The following ADCK2 variants were observed in gnomAD, a reference collection of about 807,000 sequenced individuals.
ADCK2 encodes the protein uncharacterized aarF domain-containing protein kinase 2.
In ADCK2, 37 loss-of-function variants were observed where a neutral mutation model predicts 52.3. That is an observed-to-expected ratio of 0.71 (90% CI 0.54 to 0.93). The LOEUF (loss-of-function observed/expected upper bound fraction) is 0.93, where lower values mean the gene tolerates loss of function less well. Among genes scored for constraint, ADCK2 ranks in the 40% least tolerant of loss-of-function variants. The pLI is 0.00. For missense variants in ADCK2, 695 were observed against 798.7 expected, an observed-to-expected ratio of 0.87 and a Z score of 1.56; for synonymous variants, 321 against 349.2, an observed-to-expected ratio of 0.92 and a Z score of 0.90.
At chr7:140,692,441 T>G (rs1794725408) in intron 7 of ADCK2, among the ~76,000 whole-genome samples, 1 of 152,238 alleles carries the variant, frequency 6.6e-6, no homozygotes, top group South Asian at 2.1e-4. Flanking sequence ...CATTGCAACC[T>G]CTGCTTCCTG....
intron 2 of ADCK2, among the ~76,000 whole-genome samples, chr7:140,676,109 C>T (rs1354573872): frequency 1.3e-5 from 2 of 152,200 alleles, no homozygotes; most frequent in Non-Finnish European, 2.9e-5. Flanking sequence ...ATGTATTTCT[C>T]GAGGTTCTGG....
chr7:140,688,307 G>T (rs570320986), intron 5 of ADCK2, among the ~76,000 whole-genome samples: 49 of 152,198 alleles, frequency 3.2e-4, no homozygotes, highest in African/African-American at 1.2e-3. Flanking sequence ...GCCTCCCAAG[G>T]TGCTGGGATT....
chr7:140,679,337 C>G (rs1794476696), intron 3 of ADCK2, 54 bp downstream of exon 3: 1 of 1,601,958 alleles, frequency 6.2e-7, no homozygotes, highest in Non-Finnish European at 8.5e-7. Flanking sequence ...TCGCAGTGGG[C>G]CCGTCTCCAG....
intron 2 of ADCK2, among the ~76,000 whole-genome samples, chr7:140,675,961 C>T (rs1456765265): frequency 6.6e-6 from 1 of 152,184 alleles, no homozygotes; most frequent in Non-Finnish European, 1.5e-5. Context: ...GGGAGGTTTT[C>T]AGAAGCAACC....
At position 140,677,363 on chromosome 7, in the gene ADCK2, A is replaced by G. The variant is rs569525161; in HGVS notation, c.1081-1792A>G. 2.4e-4 allele frequency among the ~76,000 whole-genome samples: 36 copies of G among 151,836 alleles called. No homozygotes were observed. In the South Asian group the frequency reaches 4.2e-3, roughly 18 times the overall value. ...GCGGAGGTTGCAATGAGCCAAGATCATGCTTTTGCACTCCAGGCTGGGCAA... is the reference window on the plus strand; with the variant it reads ...GCGGAGGTTGCAATGAGCCAAGATCGTGCTTTTGCACTCCAGGCTGGGCAA... On this transcript the variant is annotated intron_variant, in intron 2 of 7. Transcript: ENST00000072869.
At chr7:140,689,271 T>C (rs1315276948) in intron 5 of ADCK2, among the ~76,000 whole-genome samples, 1 of 152,162 alleles carries the variant, frequency 6.6e-6, no homozygotes, top group African/African-American at 2.4e-5. Flanking sequence ...TCTGGCTCTT[T>C]TTAAAAAAAA....
chr7:140,683,259 T>C (rs1041914343), intron 4 of ADCK2, among the ~76,000 whole-genome samples: 11 of 152,090 alleles, frequency 7.2e-5, no homozygotes, highest in Non-Finnish European at 1.5e-4. Flanking sequence ...CACTCCAGCC[T>C]GGCGACAGAG....
At chr7:140,675,653 T>C (rs1186887912) in intron 2 of ADCK2, among the ~76,000 whole-genome samples, 3 of 152,220 alleles carry the variant, frequency 2.0e-5, no homozygotes, top group Non-Finnish European at 2.9e-5. Flanking sequence ...CTGGGCCCAG[T>C]GTAACTGTGA....
chr7:140,681,164 G>C (rs1794508971), intron 4 of ADCK2, 27 bp downstream of exon 4: 1 of 1,607,196 alleles, frequency 6.2e-7, no homozygotes, highest in African/African-American at 1.3e-5. Flanking sequence ...AGCGGGCTCA[G>C]GCCCAGCATG....
intron 5 of ADCK2, among the ~76,000 whole-genome samples, chr7:140,688,214 T>C (rs1161363630): frequency 6.6e-6 from 1 of 152,230 alleles, no homozygotes; most frequent in East Asian, 1.9e-4. Context: ...CGGCCACTTT[T>C]TGTATTTTTA....
In ADCK2 at chr7:140,681,326, T is replaced by A. The variant is rs185744595; in HGVS notation, c.1305+189T>A. On this transcript the variant is annotated intron_variant, in intron 4 of 7. Transcript: ENST00000072869. ...TGGTGTCTGTGAAGCTCTTTTATTT[T>A]TTTTTTTTTGAGATGGAGTCTTGCT... is the stretch of plus-strand genomic sequence containing the variant. 4.3e-3 allele frequency among the ~76,000 whole-genome samples: 658 copies of A among 151,908 alleles called. 2 individuals carry two copies. Among genetic ancestry groups the A allele is most frequent in the Admixed American group, 8.4e-3 (128 of 15,242 alleles).
chr7:140,676,735 G>A (rs546970905), intron 2 of ADCK2, among the ~76,000 whole-genome samples: 1 of 152,348 alleles, frequency 6.6e-6, no homozygotes, highest in Non-Finnish European at 1.5e-5. Context: ...TAAAAACTCT[G>A]TTAGGGCTGG....
At position 140,673,953 on chromosome 7, in the gene ADCK2, C is replaced by T. The variant is rs962924677; in HGVS notation, c.623C>T (p.Ser208Leu). ...LSFENREPVG[S>L]GCVAQVYKAY... is the part of the protein sequence containing the mutation. ...TTTGAGAACCGGGAACCTGTGGGCT[C>T]AGGCTGCGTGGCCCAGGTGTACAAA... Residue 208 changes from serine (S) to leucine (L), a missense_variant, in exon 1 of 8, where the codon TCA becomes TTA. Transcript: ENST00000072869. The surrounding 1 kb of genome is among the most constrained non-coding windows in gnomAD (Gnocchi z 6.4). The T allele has an allele frequency of 2.5e-6, 4 of 1,614,056 alleles. No individual in the cohort carries two copies. The highest frequency in any genetic ancestry group is 1.6e-4 in the Middle Eastern group (1 of 6,062).
Position 140,681,114 on chromosome 7 carries a change from G to A in ADCK2, c.1282G>A (p.Gly428Arg). ...CTTGAAAAGGAAGATTGCACGGCTG[G>A]GGATCAACATGCTCCTGAAGATGGT... ...VDLKRKIARL[G>R]INMLLKMIFV... The change falls in exon 4 of 8, where the codon GGG becomes AGG. Residue 428 changes from glycine (G) to arginine (R), a missense_variant. Physicochemically the swap from Gly to Arg is moderately radical, Grantham distance 125. Coordinates refer to ENST00000072869, the MANE Select transcript of ADCK2 (RefSeq NM_052853.4). The A allele has an allele frequency of 6.2e-7, 1 of 1,614,096 alleles. No homozygotes were observed. The highest frequency in any genetic ancestry group is 8.5e-7 in the Non-Finnish European group (1 of 1,180,010).
chr7:140,677,021 T>TCAAACAAACAAACAAA (rs113170613), intron 2 of ADCK2, among the ~76,000 whole-genome samples: 5 of 149,972 alleles, frequency 3.3e-5, no homozygotes, highest in African/African-American at 1.0e-4. Context: ...AGATCCCATC[T>TCAAACAAACAAACAAA]CAAACAAACA....
At chr7:140,676,913 C>T (rs1429838042) in intron 2 of ADCK2, among the ~76,000 whole-genome samples, 1 of 152,080 alleles carries the variant, frequency 6.6e-6, no homozygotes, top group Non-Finnish European at 1.5e-5. Context: ...GTCCCAGCTA[C>T]TCAGGAGGCT....
Position 140,687,069 on chromosome 7 carries a change from G to C in ADCK2, c.1385G>C (p.Ser462Thr). The change falls in exon 5 of 8, where the codon AGT (serine) becomes ACT (threonine). Residue 462 changes from serine to threonine, a missense_variant. Transcript: ENST00000072869. ...LVQGANGLSS[S>T]QEAQLQQADI... The stretch of plus-strand genomic sequence containing the variant: ...CAGGGTGCCAACGGCCTGTCCTCGA[G>C]TCAGGAGGCGCAGCTGCAGCAGGCG... 6.2e-7 allele frequency: 1 copy of C among 1,614,062 alleles called. No homozygotes were observed. The highest frequency in any genetic ancestry group is 8.5e-7 in the Non-Finnish European group (1 of 1,180,044).
rs1794603573 is a variant in ADCK2, at chr7:140,686,304, G to A, written c.1306-686G>A. Among the ~76,000 whole-genome samples, 2 of 152,082 alleles carry A rather than the reference G, an allele frequency of 1.3e-5. 1 individual carries two copies. The highest frequency in any genetic ancestry group is 1.3e-4 in the Admixed American group (2 of 15,254). On this transcript the variant is annotated intron_variant, in intron 4 of 7. Coordinates refer to ENST00000072869, the MANE Select transcript of ADCK2 (RefSeq NM_052853.4). ...TTTTTGTTATTATTTTCTTTGAGAT[G>A]GAGTCTCGCTCCGTCGCCCAGACTG...
intron 5 of ADCK2, 48 bp from the exon 6 acceptor site, chr7:140,689,549 G>A: frequency 6.5e-7 from 1 of 1,540,520 alleles, no homozygotes; most frequent in Non-Finnish European, 8.8e-7. Context: ...ACCGCATCCA[G>A]GTTTATGCTA....
Sources: gnomAD v4.1 joint callset for allele counts (sites outside exome capture counted in the v4.1 genomes callset) on GRCh38, gnomAD v4.1.1 for gene constraint, Gnocchi (gnomAD v3.1) non-coding constraint, MANE v1.5 for transcripts, NCBI Gene and HGNC (gene_info 2026-07-23, HGNC 2026-07-21) for gene names.